Variants in LAMA1 observed in about 807,000 individuals in gnomAD.
LAMA1 encodes laminin subunit alpha-1.
A neutral mutation model predicts 348.7 loss-of-function variants in LAMA1; 219 were observed. The observed-to-expected ratio is 0.63, with a 90% confidence interval of 0.56 to 0.70. The LOEUF (loss-of-function observed/expected upper bound fraction) is 0.70, where lower values mean the gene tolerates loss of function less well. Among genes scored for constraint, LAMA1 ranks in the 30% least tolerant of loss-of-function variants. The probability of loss-of-function intolerance (pLI) is 0.00; values close to 1 mark genes in which losing one functional copy is unlikely to be tolerated. For synonymous variants in LAMA1, 1,487 were observed against 1,491.0 expected (o/e 1.00, Z 0.06); for missense variants, 3,744 against 3,888.0 (o/e 0.96, Z 0.99).
chr18:7,062,556 T>G (rs1340985483), intron 3 of LAMA1, among the ~76,000 whole-genome samples: 1 of 152,162 alleles, frequency 6.6e-6, no homozygotes, highest in Non-Finnish European at 1.5e-5. Context: ...TGGATGTTGG[T>G]GCCTGGAAAT....
At chr18:7,063,141 C>CTT (rs2058109210) in intron 3 of LAMA1, among the ~76,000 whole-genome samples, 1 of 152,092 alleles carries the variant, frequency 6.6e-6, no homozygotes, top group Non-Finnish European at 1.5e-5. Flanking sequence ...CTAAATCTAG[C>CTT]TGAATCGTTG....
chr18:7,092,544 G>A (rs1045658865), intron 1 of LAMA1, among the ~76,000 whole-genome samples: 2 of 150,150 alleles, frequency 1.3e-5, no homozygotes, highest in African/African-American at 4.9e-5. Context: ...AGAATCACTT[G>A]AACCCAGGAG....
At chr18:7,085,533 C>A (rs1237237766) in intron 1 of LAMA1, among the ~76,000 whole-genome samples, 1 of 149,816 alleles carries the variant, frequency 6.7e-6, no homozygotes, top group Non-Finnish European at 1.5e-5. Flanking sequence ...ATTCTCCTGT[C>A]TCAGCCTCCA....
intron 1 of LAMA1, among the ~76,000 whole-genome samples, chr18:7,110,345 C>T (rs2058330943): frequency 6.6e-6 from 1 of 151,852 alleles, no homozygotes; most frequent in Non-Finnish European, 1.5e-5. Flanking sequence ...TAAGGGGATA[C>T]AGAAAAAGAA....
intron 20 of LAMA1, 105 bp downstream of exon 20, chr18:7,017,173 G>A (rs952358118): frequency 1.2e-6 from 1 of 860,834 alleles, no homozygotes; most frequent in Non-Finnish European, 1.9e-6. Flanking sequence ...CTCTATAGCA[G>A]TGTGAGAACA....
chr18:7,101,870 G>T (rs1353866215), intron 1 of LAMA1, among the ~76,000 whole-genome samples: 1 of 150,736 alleles, frequency 6.6e-6, no homozygotes, highest in Non-Finnish European at 1.5e-5. Context: ...GAGCTGGGGG[G>T]GTCTCCCTAT....
In LAMA1 at chr18:6,956,686, C is replaced by A. The variant is rs1410590532; in HGVS notation, c.8044G>T (p.Ala2682Ser). Residue 2682 changes from alanine (A) to serine (S), a missense_variant, in exon 56 of 63, where the codon GCT (alanine) becomes TCT (serine). Around this residue, in one of 3 missense-constraint regions of LAMA1, gnomAD observed 1,983 missense variants for 1,934.3 expected, o/e 1.03. Coordinates refer to ENST00000389658, the MANE Select transcript of LAMA1 (RefSeq NM_005559.4). ...TCWLSERPKL[A>S]PDAEDSKLLP... ...AGCTTGCTGTCCTCTGCATCGGGAGCCAGCTTAGGCCTTTCTGACAGCCAG... is the reference window on the plus strand; with the variant it reads ...AGCTTGCTGTCCTCTGCATCGGGAGACAGCTTAGGCCTTTCTGACAGCCAG... The A allele has an allele frequency of 6.2e-7, 1 of 1,614,064 alleles. No homozygotes were observed. Among genetic ancestry groups the A allele is most frequent in the East Asian group, 2.2e-5 (1 of 44,880 alleles).
chr18:7,098,094 G>A (rs1307532627), intron 1 of LAMA1, among the ~76,000 whole-genome samples: 4 of 150,208 alleles, frequency 2.7e-5, no homozygotes, highest in East Asian at 2.0e-4. Context: ...CAAGTAATCC[G>A]CCAGCCTCAG....
At chr18:7,080,756 C>A (rs1236770817) in intron 1 of LAMA1, among the ~76,000 whole-genome samples, 1 of 152,100 alleles carries the variant, frequency 6.6e-6, no homozygotes, top group Non-Finnish European at 1.5e-5. Context: ...TTGGGTTTCA[C>A]AGGCAGATGC....
At chr18:7,089,271 C>T (rs1225097711) in intron 1 of LAMA1, among the ~76,000 whole-genome samples, 1 of 152,158 alleles carries the variant, frequency 6.6e-6, no homozygotes, top group African/African-American at 2.4e-5. Context: ...CCCACCTAAT[C>T]GGGAGATTGA....
rs2057508489 is a variant in LAMA1, at chr18:6,943,369, T to C, written c.8878A>G (p.Ile2960Val). ...GTTTTGGGCTCATATGCAGCTGTTA[T>C]CCTGCCAGCACCATTGTTGACATGG... ...LFHVNNGAGRITAAYEPKTAT... is the reference protein window; with the variant it reads ...LFHVNNGAGRVTAAYEPKTAT... The change falls in exon 62 of 63, where the codon ATA becomes GTA. Residue 2960 changes from isoleucine (I) to valine (V), a missense_variant. Ile to Val is a conservative substitution (Grantham distance 29). Transcript: ENST00000389658. 6.2e-7 allele frequency: 1 copy of C among 1,614,200 alleles called. No homozygotes were observed. Among genetic ancestry groups the C allele is most frequent in the Non-Finnish European group, 8.5e-7 (1 of 1,180,032 alleles).
At chr18:6,980,157 C>T (rs1385171308) in intron 42 of LAMA1, among the ~76,000 whole-genome samples, 3 of 152,208 alleles carry the variant, frequency 2.0e-5, no homozygotes, top group Non-Finnish European at 4.4e-5. Flanking sequence ...ATGAATCTGG[C>T]ATTTTCCCCT....
intron 59 of LAMA1, among the ~76,000 whole-genome samples, 179 bp downstream of exon 59, chr18:6,948,922 G>A (rs1285451995): frequency 6.6e-6 from 1 of 152,178 alleles, no homozygotes; most frequent in African/African-American, 2.4e-5. Flanking sequence ...AAGACTGATC[G>A]GGTTCTGAGG....
intron 8 of LAMA1, chr18:7,042,820 T>G (rs1598294487): frequency 5.0e-6 from 1 of 201,226 alleles, no homozygotes; most frequent in African/African-American, 2.4e-5. Context: ...GAGGTGGAGG[T>G]TGCAGTGAGC....
chr18:6,979,893 T>C (rs28626092), intron 42 of LAMA1, among the ~76,000 whole-genome samples: 14,976 of 152,170 alleles, frequency 0.098, 997 homozygotes, highest in African/African-American at 0.18. Flanking sequence ...AGCGAGACTC[T>C]GTCTCAAAAA....
chr18:6,960,588 C>T lies in LAMA1; in HGVS notation c.7626+998G>A, dbSNP rs190016183. The T allele has an allele frequency of 7.9e-4, 118 of 150,216 alleles. 2 individuals are homozygous for T. Among genetic ancestry groups the T allele is most frequent in the African/African-American group, 2.2e-3 (87 of 40,458 alleles). The allele number at this position is 150,216 out of a possible 1,614,324, so 9.3% of individuals were successfully genotyped here. Reference sequence around the variant, plus strand: ...GTTTGCAACTAGATAGGAAAGGTGGCCTCGTAACATTGTGAATGCACTAAA... The same window carrying T: ...GTTTGCAACTAGATAGGAAAGGTGGTCTCGTAACATTGTGAATGCACTAAA... On this transcript the variant is annotated intron_variant, in intron 53 of 62. Coordinates refer to ENST00000389658, the MANE Select transcript of LAMA1 (RefSeq NM_005559.4).
In LAMA1 at chr18:6,975,848, AT is replaced by A. The variant is rs377629757; in HGVS notation, c.6489+88del. The A allele has an allele frequency of 7.9e-4, 1,151 of 1,454,064 alleles. 4 individuals are homozygous for A. Among genetic ancestry groups the A allele is most frequent in the Middle Eastern group, 5.7e-3 (24 of 4,224 alleles). The allele number at this position is 1,454,064 out of a possible 1,614,324, so 90.1% of individuals were successfully genotyped here. Reference sequence around the variant, plus strand: ...AGATTTAGAGATTTCACTAAGGCCTATTTTTTTTTCGTCAAATAAGTGAAAA... The same window carrying A: ...AGATTTAGAGATTTCACTAAGGCCTATTTTTTTTCGTCAAATAAGTGAAAA... On this transcript the variant is annotated intron_variant, in intron 45 of 62. Transcript: ENST00000389658.
rs372224465 is a variant in LAMA1 at position 7,101,563 on chromosome 18, T to C, written c.61+16097A>G. Among the ~76,000 whole-genome samples, 11 of 152,334 alleles carry C rather than the reference T, an allele frequency of 7.2e-5. No individual in the cohort carries two copies. The East Asian group carries it at 1.9e-3, about 27-fold the overall frequency. Reference sequence around the variant, plus strand: ...TGCGTGTTGGATCCAAGTTATTCTCTTGTGATTATCTATGTGGTCAGATTG... The same window carrying C: ...TGCGTGTTGGATCCAAGTTATTCTCCTGTGATTATCTATGTGGTCAGATTG... On this transcript the variant is annotated intron_variant, in intron 1 of 62. Transcript: ENST00000389658.
At position 6,999,585 on chromosome 18, in the gene LAMA1, T is replaced by A; in HGVS notation, c.4523A>T (p.Lys1508Met). 6.2e-7 allele frequency: 1 copy of A among 1,613,882 alleles called. No homozygotes were observed. Among genetic ancestry groups the A allele is most frequent in the Non-Finnish European group, 8.5e-7 (1 of 1,179,938 alleles). Residue 1508 changes from lysine (K) to methionine (M), a missense_variant, in exon 32 of 63, where the codon AAG becomes ATG. Transcript: ENST00000389658. ...NPQTPGGSCQ[K>M]CDCNPHGSVH... ...AGAGCCGTGCGGGTTGCAGTCACAC[T>A]TCTGGCAACTGCCACCTGGTGTTTG...
Sources: gnomAD v4.1 joint callset for allele counts (sites outside exome capture counted in the v4.1 genomes callset) on GRCh38, gnomAD v4.1.1 for gene constraint, gnomAD v4.1.1 regional missense constraint, MANE v1.5 for transcripts, NCBI Gene and HGNC (gene_info 2026-07-23, HGNC 2026-07-21) for gene names.